CAST: variants seen among roughly 807,000 people sequenced by gnomAD.
CAST encodes the protein MIR583 host.
Under a neutral mutation model 119.6 loss-of-function variants are expected in CAST, and 76 were observed. That is an observed-to-expected ratio of 0.64 (90% CI 0.53 to 0.77). The LOEUF is 0.77. Ranked by LOEUF, CAST falls within the 30% of genes least tolerant of loss-of-function variation. The pLI is 0.00. For synonymous variants in CAST, 319 were observed against 331.6 expected, an observed-to-expected ratio of 0.96 and a Z score of 0.41; for missense variants, 953 against 946.5, an observed-to-expected ratio of 1.01 and a Z score of -0.09.
the CAST span, among the ~76,000 whole-genome samples, chr5:95,989,205 G>T: frequency 1.3e-5 from 2 of 152,168 alleles, no homozygotes; most frequent in Non-Finnish European, 2.9e-5. Context: ...TGATGGAAAA[G>T]AGACAACCTC....
chr5:96,754,093 T>C lies in CAST; in HGVS notation c.1558T>C (p.Leu520=), dbSNP rs1365751940. The change falls in exon 21 of 32, where the codon TTG becomes CTG. Residue 520 remains leucine, a synonymous_variant. Transcript: ENST00000675179. ...GTVPDDAVEA[L]ADSLGKKEAD... The stretch of plus-strand genomic sequence containing the variant: ...AGTGCCAGATGATGCTGTAGAAGCC[T>C]TGGCTGATAGCCTGGGGAAAAAGGA... 1.2e-6 allele frequency: 2 copies of C among 1,613,878 alleles called. No homozygotes were observed. Among genetic ancestry groups the C allele is most frequent in the Middle Eastern group, 3.3e-4 (2 of 6,060 alleles).
chr5:96,664,435 A>C (rs892717588), intron 1 of CAST, among the ~76,000 whole-genome samples: 10 of 151,910 alleles, frequency 6.6e-5, no homozygotes, highest in African/African-American at 1.7e-4. Context: ...ACACACATAC[A>C]ATATACTGTA....
At chr5:96,731,574 C>T (rs1274224562) in intron 9 of CAST, among the ~76,000 whole-genome samples, 1 of 141,902 alleles carries the variant, frequency 7.0e-6, no homozygotes, top group Non-Finnish European at 1.5e-5. Context: ...CATATGTATA[C>T]ATGTGCCATG....
intron 1 of CAST, among the ~76,000 whole-genome samples, chr5:96,558,486 G>A (rs1746291619): frequency 1.3e-5 from 2 of 152,036 alleles, no homozygotes; most frequent in South Asian, 4.1e-4. Flanking sequence ...AGAAAAGAGA[G>A]AAGAATCAAA....
chr5:96,204,131 A>G, the CAST span, among the ~76,000 whole-genome samples: 1 of 152,034 alleles, frequency 6.6e-6, no homozygotes, highest in South Asian at 2.1e-4. Context: ...TCAACAACCA[A>G]TGACTGCCAT....
intron 1 of CAST, among the ~76,000 whole-genome samples, chr5:96,541,673 A>G (rs1448242496): frequency 6.6e-6 from 1 of 152,172 alleles, no homozygotes; most frequent in Admixed American, 6.5e-5. Flanking sequence ...TTACGTTTGT[A>G]TAGTTTTTTC....
At chr5:96,198,656 T>C in the CAST span, among the ~76,000 whole-genome samples, 5 of 152,178 alleles carry the variant, frequency 3.3e-5, no homozygotes, top group Non-Finnish European at 7.3e-5. Flanking sequence ...ATGTATGAAA[T>C]TATAGTCTTG....
chr5:96,508,560 T>G, the CAST span, among the ~76,000 whole-genome samples: 2 of 152,176 alleles, frequency 1.3e-5, no homozygotes, highest in African/African-American at 2.4e-5. Context: ...TGTTCAACTC[T>G]CTTCTTACCC....
the CAST span, among the ~76,000 whole-genome samples, chr5:96,156,274 T>C: frequency 6.6e-6 from 1 of 152,206 alleles, no homozygotes; most frequent in East Asian, 1.9e-4. Context: ...CCTATACCAT[T>C]ATGGGCTTAG....
At chr5:96,021,478 C>T in the CAST span, among the ~76,000 whole-genome samples, 1 of 151,882 alleles carries the variant, frequency 6.6e-6, no homozygotes, top group Admixed American at 6.6e-5. Context: ...TGGAGTCTCG[C>T]TCTGTTGCCC....
At chr5:96,662,320 G>GCTCCCTCCCTCCCCCCCTCCCTCTCCCC, upstream of CAST, 1 of 818,872 alleles carries the variant, frequency 1.2e-6, no homozygotes, top group Non-Finnish European at 1.6e-6. Flanking sequence ...CGGGCCCTCC[G>GCTCCCTCCCTCCCCCCCTCCCTCTCCCC]CTCCCTCCCT....
At chr5:96,720,972 T>A (rs1216109169) in intron 3 of CAST, among the ~76,000 whole-genome samples, 1 of 152,200 alleles carries the variant, frequency 6.6e-6, no homozygotes, top group Non-Finnish European at 1.5e-5. Flanking sequence ...ATCTGTATAA[T>A]CAATTCCAAT....
the CAST span, among the ~76,000 whole-genome samples, chr5:96,339,258 G>T: frequency 6.6e-6 from 1 of 152,014 alleles, no homozygotes; most frequent in Non-Finnish European, 1.5e-5. Context: ...GATAACATAC[G>T]ACCCCAAGAA....
chr5:96,108,013 CA>C, the CAST span, among the ~76,000 whole-genome samples: 1 of 152,016 alleles, frequency 6.6e-6, no homozygotes, highest in Non-Finnish European at 1.5e-5. Context: ...CAGTTGATCG[CA>C]TCGGCTCCTG....
chr5:96,583,559 A>G (rs985022984), intron 1 of CAST, among the ~76,000 whole-genome samples: 1 of 152,192 alleles, frequency 6.6e-6, no homozygotes, highest in East Asian at 1.9e-4. Flanking sequence ...TATTGACACT[A>G]TCAGGCTCTG....
At chr5:96,319,217 T>C in the CAST span, among the ~76,000 whole-genome samples, 1 of 152,156 alleles carries the variant, frequency 6.6e-6, no homozygotes, top group African/African-American at 2.4e-5. Flanking sequence ...AATCACTCAT[T>C]ACTTCAAGAA....
At chr5:95,981,504 T>C in the CAST span, among the ~76,000 whole-genome samples, 1 of 152,252 alleles carries the variant, frequency 6.6e-6, no homozygotes, top group African/African-American at 2.4e-5. Context: ...TTAGTAGGTC[T>C]GAGGTGGGAC....
At chr5:96,135,742 T>G in the CAST span, among the ~76,000 whole-genome samples, 3 of 152,118 alleles carry the variant, frequency 2.0e-5, no homozygotes, top group African/African-American at 7.2e-5. Flanking sequence ...CTTTTCCCTA[T>G]TTTCTTTTTC....
chr5:95,982,770 A>G, the CAST span, among the ~76,000 whole-genome samples: 1 of 152,228 alleles, frequency 6.6e-6, no homozygotes, highest in African/African-American at 2.4e-5. Flanking sequence ...TTTTAAAGAT[A>G]AAGGTTCTTT....
Sources: gnomAD v4.1 joint callset for allele counts (sites outside exome capture counted in the v4.1 genomes callset) on GRCh38, gnomAD v4.1.1 for gene constraint, MANE v1.5 for transcripts, NCBI Gene and HGNC (gene_info 2026-07-23, HGNC 2026-07-21) for gene names.